The following MTMR12 variants were observed in gnomAD, a reference collection of about 807,000 sequenced individuals.
The protein encoded by MTMR12 is myotubularin related protein 12.
A neutral mutation model predicts 96.7 loss-of-function variants in MTMR12; 33 were observed. The observed-to-expected ratio is 0.34, with a 90% CI of 0.26 to 0.46. MTMR12 has a LOEUF of 0.46. MTMR12 is among the 20% of genes least tolerant of loss of function. The pLI, the probability that MTMR12 is intolerant of heterozygous loss-of-function variation, is 1.00. For synonymous variants in MTMR12, 298 were observed against 327.2 expected, an observed-to-expected ratio of 0.91 and a Z score of 0.96; for missense variants, 721 against 896.1, an observed-to-expected ratio of 0.80 and a Z score of 2.49.
chr5:32,304,958 A>G (rs1751298674), intron 1 of MTMR12, among the ~76,000 whole-genome samples: 1 of 152,222 alleles, frequency 6.6e-6, no homozygotes, highest in Admixed American at 6.5e-5. Context: ...ATCTCTGGAG[A>G]GACCTTTAAT....
chr5:32,252,754 AG>A (rs1748987008), intron 8 of MTMR12, among the ~76,000 whole-genome samples: 1 of 152,256 alleles, frequency 6.6e-6, no homozygotes, highest in African/African-American at 2.4e-5. Context: ...AAAAACACAT[AG>A]GAAGATAAAC....
At chr5:32,311,066 G>C (rs984066539) in intron 1 of MTMR12, among the ~76,000 whole-genome samples, 1 of 152,030 alleles carries the variant, frequency 6.6e-6, no homozygotes, top group Admixed American at 6.6e-5. Flanking sequence ...ATGTTGGCCA[G>C]GCTGGTCTCC....
At chr5:32,296,899 G>A (rs1380875273) in intron 1 of MTMR12, among the ~76,000 whole-genome samples, 1 of 151,612 alleles carries the variant, frequency 6.6e-6, no homozygotes, top group African/African-American at 2.4e-5. Context: ...TCAGGAGATC[G>A]AAACCATCCT....
intron 7 of MTMR12, among the ~76,000 whole-genome samples, chr5:32,259,283 G>C (rs1254094526): frequency 6.6e-6 from 1 of 152,214 alleles, no homozygotes; most frequent in East Asian, 1.9e-4. Flanking sequence ...CCTCTGTGTG[G>C]TACACACTCC....
rs1747826485 is a variant in MTMR12, at chr5:32,228,536, T to TATATATATCATATATATATCAC, written c.*1241_*1242insGTGATATATATATGATATATAT. On this transcript the variant is annotated 3_prime_UTR_variant, in exon 16 of 16. Coordinates refer to ENST00000382142, the MANE Select transcript of MTMR12 (RefSeq NM_001040446.3). Reference sequence around the variant, plus strand: ...AAAAAAATATATATCATATATATGATATATATATCATATATATGTGATATA... The same window carrying TATATATATCATATATATATCAC: ...AAAAAAATATATATCATATATATGATATATATATCATATATATATCACATATATATCATATATATGTGATATA... The TATATATATCATATATATATCAC allele has an allele frequency of 2.8e-5, 4 of 140,398 alleles. No homozygotes were observed. The highest frequency in any genetic ancestry group is 1.4e-4 in the Admixed American group (2 of 13,816). 8.7% of individuals were successfully genotyped at this position (140,398 alleles called of 1,614,324 possible).
In MTMR12 at chr5:32,312,818, G is replaced by A; in HGVS notation, c.21C>T (p.Val7=). Residue 7 remains valine, a synonymous_variant, in exon 1 of 16, where the codon GTC becomes GTT. Coordinates refer to ENST00000382142, the MANE Select transcript of MTMR12 (RefSeq NM_001040446.3). The surrounding 1 kb of genome is among the most constrained non-coding windows in gnomAD (Gnocchi z 5.0). ...GGGCCTTGGTGCCGCCGCCACCGCC[G>A]ACTACTCCTTTCCCCAGCATACCGC... MLGKGV[V]GGGGGTKAPK... The A allele has an allele frequency of 1.3e-6, 2 of 1,532,866 alleles. No homozygotes were observed. The highest frequency in any genetic ancestry group is 1.4e-5 in the African/African-American group (1 of 69,894). The allele number at this position is 1,532,866 out of a possible 1,614,324, so 95.0% of individuals were successfully genotyped here.
At chr5:32,284,064 G>A (rs1750417817) in intron 1 of MTMR12, among the ~76,000 whole-genome samples, 1 of 152,090 alleles carries the variant, frequency 6.6e-6, no homozygotes, top group Non-Finnish European at 1.5e-5. Context: ...CACTGTTGGA[G>A]GCCAAGGTGG....
chr5:32,297,412 T>C (rs1010227884), intron 1 of MTMR12, among the ~76,000 whole-genome samples: 2 of 152,220 alleles, frequency 1.3e-5, no homozygotes, highest in African/African-American at 2.4e-5. Flanking sequence ...TTCTTTCAGT[T>C]GTAACAAGTC....
chr5:32,276,335 A>C (rs1453883871), intron 2 of MTMR12, among the ~76,000 whole-genome samples: 1 of 152,232 alleles, frequency 6.6e-6, no homozygotes, highest in Non-Finnish European at 1.5e-5. Context: ...TAGCAGTTGA[A>C]TTGTTTTCCT....
At position 32,309,802 on chromosome 5, in the gene MTMR12, G is replaced by A. The variant is rs552472791; in HGVS notation, c.81+2956C>T. 7.2e-5 allele frequency: 11 copies of A among 152,116 alleles called. No homozygotes were observed. The East Asian group carries it at 2.1e-3, about 29-fold the overall frequency. The allele number at this position is 152,116 out of a possible 1,614,324, so 9.4% of individuals were successfully genotyped here. On this transcript the variant is annotated intron_variant, in intron 1 of 15. Coordinates refer to ENST00000382142, the MANE Select transcript of MTMR12 (RefSeq NM_001040446.3). ...CTTAAATGTTAAAAAAAAAAAGTAT[G>A]AGATATCATCTCATCCCAGTTAAAA...
chr5:32,308,661 C>T (rs2910885), intron 1 of MTMR12, among the ~76,000 whole-genome samples: 43,023 of 151,594 alleles, frequency 0.28, 6,344 homozygotes, highest in East Asian at 0.43. Flanking sequence ...AATGCAGTGG[C>T]GTGATCTTGG....
At chr5:32,241,996 C>A in intron 12 of MTMR12, 61 bp downstream of exon 12, 1 of 1,413,346 alleles carries the variant, frequency 7.1e-7, no homozygotes, top group Non-Finnish European at 9.9e-7. Flanking sequence ...GCTACATATA[C>A]AAAAATTGAA....
At chr5:32,268,853 G>A in intron 5 of MTMR12, 59 bp from the exon 6 acceptor site, 1 of 1,401,422 alleles carries the variant, frequency 7.1e-7, no homozygotes, top group Non-Finnish European at 1.0e-6. Flanking sequence ...CACTAACAAA[G>A]ACAAGAGTCA....
Position 32,248,114 on chromosome 5 carries a change from G to A in MTMR12, c.909C>T (p.Thr303=). 1.2e-6 allele frequency: 2 copies of A among 1,613,266 alleles called. No individual in the cohort carries two copies. Among genetic ancestry groups the A allele is most frequent in the Non-Finnish European group, 1.7e-6 (2 of 1,179,570 alleles). The change falls in exon 10 of 16, where the codon ACC becomes ACT. Residue 303 remains threonine (T), a synonymous_variant. Coordinates refer to ENST00000382142, the MANE Select transcript of MTMR12 (RefSeq NM_001040446.3). ...CAATTTCATAGGGTGGCCTGTGGAT[G>A]GTCTTGTAAATTCTAGGTATCAAAA... ...QKSFLDGIYK[T]IHRPPYEIVK... is the part of the protein sequence containing the mutation.
intron 1 of MTMR12, among the ~76,000 whole-genome samples, chr5:32,278,150 C>A (rs1484697947): frequency 6.6e-6 from 1 of 152,190 alleles, no homozygotes; most frequent in Non-Finnish European, 1.5e-5. Context: ...GTTAACATAA[C>A]AAAGAGAGGC....
At chr5:32,267,149 G>A (rs968571635) in intron 6 of MTMR12, among the ~76,000 whole-genome samples, 2 of 150,868 alleles carry the variant, frequency 1.3e-5, no homozygotes, top group Non-Finnish European at 2.9e-5. Flanking sequence ...GGCCGAGGCC[G>A]TGGATCACCT....
At chr5:32,255,475 A>G (rs1048133633) in intron 8 of MTMR12, among the ~76,000 whole-genome samples, 2 of 152,204 alleles carry the variant, frequency 1.3e-5, no homozygotes, top group Admixed American at 1.3e-4. Context: ...AGCTCTGTTC[A>G]TGTCTCTTCT....
chr5:32,255,731 C>T lies in MTMR12; in HGVS notation c.751G>A (p.Glu251Lys). 1 of 1,612,960 alleles carries T rather than the reference C, an allele frequency of 6.2e-7. No individual in the cohort carries two copies. Among genetic ancestry groups the T allele is most frequent in the Non-Finnish European group, 8.5e-7 (1 of 1,179,638 alleles). The change falls in exon 8 of 16, where the codon GAA (glutamate) becomes AAA (lysine). Residue 251 changes from glutamate to lysine, a missense_variant. Physicochemically the swap from Glu to Lys is moderately conservative, Grantham distance 56. Transcript: ENST00000382142. ...AYFVVPTPLPEENVQRFQGHG... is the reference protein window; with the variant it reads ...AYFVVPTPLPKENVQRFQGHG... ...CCCTGAAAGCGCTGCACATTCTCTT[C>T]AGGAAGAGGGGTGGGGACAACAAAG...
At chr5:32,296,825 G>T (rs755847800) in intron 1 of MTMR12, among the ~76,000 whole-genome samples, 2 of 149,332 alleles carry the variant, frequency 1.3e-5, no homozygotes, top group Non-Finnish European at 3.0e-5. Context: ...AAAAGTGGCC[G>T]GGCGCGGTGG....
Sources: gnomAD v4.1 joint callset for allele counts (sites outside exome capture counted in the v4.1 genomes callset) on GRCh38, gnomAD v4.1.1 for gene constraint, Gnocchi (gnomAD v3.1) non-coding constraint, MANE v1.5 for transcripts, NCBI Gene and HGNC (gene_info 2026-07-23, HGNC 2026-07-21) for gene names.